Variants in NOC4L observed in about 807,000 individuals in gnomAD.
NOC4L encodes nucleolar complex protein 4 homolog.
Under a neutral mutation model 62.8 loss-of-function variants are expected in NOC4L, and 40 were observed. The observed-to-expected ratio is 0.64, with a 90% CI of 0.49 to 0.83. NOC4L has a LOEUF of 0.83. Among genes scored for constraint, NOC4L ranks in the 40% least tolerant of loss-of-function variants. The pLI is 0.00. For synonymous variants in NOC4L, 433 were observed against 299.8 expected, an observed-to-expected ratio of 1.44 and a Z score of -4.59; for missense variants, 927 against 701.9, an observed-to-expected ratio of 1.32 and a Z score of -3.62.
chr12:132,152,308 G>A lies in NOC4L; in HGVS notation c.1458G>A (p.Lys486=), dbSNP rs755842355. 13 of 1,560,622 alleles carry A rather than the reference G, an allele frequency of 8.3e-6. No homozygotes were observed. The highest frequency in any genetic ancestry group is 1.7e-4 in the Middle Eastern group (1 of 6,010). ...TCTTTGAGCGGGACCTGAAGAAGAA[G>A]GGGCCCGAGCCGGTGCCACTGGAGT... ...YEIFERDLKK[K]GPEPVPLEFI... The change falls in exon 15 of 15, where the codon AAG becomes AAA. Residue 486 remains lysine, a synonymous_variant. Transcript: ENST00000330579.
intron 11 of NOC4L, 23 bp downstream of exon 11, chr12:132,151,391 C>T (rs561685274): frequency 2.5e-6 from 4 of 1,604,642 alleles, no homozygotes; most frequent in South Asian, 2.2e-5. Context: ...GCACCTGGCT[C>T]TGCCCTGCTC....
At position 132,151,764 on chromosome 12, in the gene NOC4L, G is replaced by C; in HGVS notation, c.1261G>C (p.Gly421Arg). 6.2e-7 allele frequency: 1 copy of C among 1,612,372 alleles called. No homozygotes were observed. Among genetic ancestry groups the C allele is most frequent in the Non-Finnish European group, 8.5e-7 (1 of 1,179,828 alleles). Residue 421 changes from glycine to arginine, a missense_variant, in exon 13 of 15, where the codon GGA becomes CGA. Coordinates refer to ENST00000330579, the MANE Select transcript of NOC4L (RefSeq NM_024078.3). ...GTTGGACGCCGACCCCTACGACCCT[G>C]GAGAGGAGGACCCAGCCCAGAGCCG... is the stretch of plus-strand genomic sequence containing the variant. ...PELDADPYDP[G>R]EEDPAQSRAL... is the part of the protein sequence containing the mutation.
At chr12:132,148,530 C>T (rs1004138473) in intron 7 of NOC4L, 79 bp from the exon 8 acceptor site, 2 of 1,491,676 alleles carry the variant, frequency 1.3e-6, no homozygotes, top group Admixed American at 2.0e-5. Flanking sequence ...TCAGGCTGGG[C>T]TTCGGGGTGC....
Position 132,147,797 on chromosome 12 carries a change from C to T in NOC4L, c.603+15C>T, listed in dbSNP as rs531462202. On this transcript the variant is annotated intron_variant, in intron 5 of 14. Transcript: ENST00000330579. ...AGCACCCCGAGGTGGGTGATGGGGT[C>T]CTGTCGCCAGCATCATGCTGTTGCC... 29 of 1,611,808 alleles carry T rather than the reference C, an allele frequency of 1.8e-5. No homozygotes were observed. Among genetic ancestry groups the T allele is most frequent in the Non-Finnish European group, 2.4e-5 (28 of 1,179,910 alleles).
chr12:132,150,750 C>T (rs964937171), intron 9 of NOC4L: 5 of 585,808 alleles, frequency 8.5e-6, no homozygotes, highest in East Asian at 5.7e-5. Context: ...TGAGTGCCGC[C>T]GCCTCGCTCA....
chr12:132,146,439 A>T, intron 3 of NOC4L: 2 of 439,564 alleles, frequency 4.5e-6, no homozygotes, highest in South Asian at 3.1e-5. Flanking sequence ...TTCGCGTACA[A>T]ACTCTTGTGT....
intron 2 of NOC4L, among the ~76,000 whole-genome samples, chr12:132,145,231 C>T (rs2136684721): frequency 6.6e-6 from 1 of 152,320 alleles, no homozygotes; most frequent in Non-Finnish European, 1.5e-5. Flanking sequence ...TTGATGTTGA[C>T]TGATCCTGAC....
intron 5 of NOC4L, 40 bp downstream of exon 5, chr12:132,147,822 C>T (rs935917660): frequency 6.2e-7 from 1 of 1,611,092 alleles, no homozygotes; most frequent in Non-Finnish European, 8.5e-7. Context: ...ATGCTGTTGC[C>T]TCCCAGGGAG....
intron 3 of NOC4L, 39 bp from the exon 4 acceptor site, chr12:132,147,242 T>G (rs1438244754): frequency 7.1e-7 from 1 of 1,404,220 alleles, no homozygotes; most frequent in Non-Finnish European, 9.5e-7. Flanking sequence ...ATCCGTGGGG[T>G]GAGGGCATCA....
chr12:132,145,510 G>A (rs748220352), intron 2 of NOC4L, 49 bp from the exon 3 acceptor site: 118 of 1,263,728 alleles, frequency 9.3e-5, no homozygotes, highest in Middle Eastern at 5.7e-4. Context: ...TGGGCCCAGG[G>A]TGGCGTATGT....
intron 3 of NOC4L, among the ~76,000 whole-genome samples, chr12:132,146,858 A>G (rs954593101): frequency 6.6e-6 from 1 of 151,968 alleles, no homozygotes; most frequent in Non-Finnish European, 1.5e-5. Context: ...TGGGCCCTGA[A>G]AGCACTGAGT....
intron 13 of NOC4L, 111 bp from the exon 14 acceptor site, chr12:132,151,973 G>C: frequency 1.6e-6 from 2 of 1,260,452 alleles, no homozygotes; most frequent in South Asian, 2.7e-5. Flanking sequence ...GCCTTCTCAC[G>C]TGGCTCCGTC....
At chr12:132,152,035 C>A in intron 13 of NOC4L, 49 bp from the exon 14 acceptor site, 1 of 1,513,038 alleles carries the variant, frequency 6.6e-7, no homozygotes, top group Non-Finnish European at 8.9e-7. Context: ...GCTGGGGGCA[C>A]AGGGCGGGGG....
Position 132,147,358 on chromosome 12 carries a change from C to T in NOC4L, c.423C>T (p.Gly141=). Residue 141 remains glycine (G), a synonymous_variant, in exon 4 of 15, where the codon GGC becomes GGT. Transcript: ENST00000330579. ...AHPLEKSKWE[G]NYLFPRELFK... ...CCCTGGAGAAGTCCAAGTGGGAAGG[C>T]AACTACCTGTTCCCCCGAGAGCTCT... 6.3e-7 allele frequency: 1 copy of T among 1,597,714 alleles called. No homozygotes were observed. Among genetic ancestry groups the T allele is most frequent in the Non-Finnish European group, 8.5e-7 (1 of 1,172,010 alleles).
chr12:132,146,251 A>G (rs529454281), intron 3 of NOC4L: 4 of 455,886 alleles, frequency 8.8e-6, no homozygotes, highest in South Asian at 3.1e-5. Context: ...CGCTCCTCAT[A>G]AGGGGGATCA....
chr12:132,147,440 C>T (rs1161238089), intron 4 of NOC4L, 52 bp downstream of exon 4: 3 of 1,514,110 alleles, frequency 2.0e-6, no homozygotes, highest in African/African-American at 1.4e-5. Context: ...GGCCAGATCC[C>T]AGGATGGCCC....
chr12:132,147,599 C>A, intron 4 of NOC4L, 34 bp from the exon 5 acceptor site: 1 of 1,605,966 alleles, frequency 6.2e-7, no homozygotes, highest in African/African-American at 1.3e-5. Context: ...GTATGCTGGG[C>A]CGGGCAGGGC....
At chr12:132,148,698 G>A (rs749213399) in intron 8 of NOC4L, 39 bp downstream of exon 8, 8 of 1,532,036 alleles carry the variant, frequency 5.2e-6, no homozygotes, top group Admixed American at 2.0e-5. Flanking sequence ...GGCGGCATCC[G>A]GGTCTCCCCC....
rs572615813 is a variant in NOC4L, at chr12:132,148,586, G to C, written c.739-23G>C. ...TGGTCTGGGGTGGGGAGGGCGGCGA[G>C]TGCAGTCTGGACCCCGTTGCAGGAG... On this transcript the variant is annotated intron_variant, in intron 7 of 14. Coordinates refer to ENST00000330579, the MANE Select transcript of NOC4L (RefSeq NM_024078.3). 32 of 1,549,384 alleles carry C rather than the reference G, an allele frequency of 2.1e-5. No homozygotes were observed. In the East Asian group the frequency reaches 5.9e-4, roughly 28 times the overall value.
Sources: allele counts gnomAD v4.1 joint callset (sites outside exome capture counted in the v4.1 genomes callset), GRCh38; gene constraint gnomAD v4.1.1; transcripts MANE v1.5; gene names NCBI Gene and HGNC (gene_info 2026-07-23, HGNC 2026-07-21).